Variants in VAX2 observed in about 807,000 individuals in gnomAD.
The protein encoded by VAX2 is ventral anterior homeobox 2.
In VAX2, 8 loss-of-function variants were observed where a neutral mutation model predicts 12.5. The observed-to-expected ratio is 0.64, with a 90% CI of 0.37 to 1.15. The LOEUF (loss-of-function observed/expected upper bound fraction) is 1.15. Ranked by LOEUF, VAX2 falls within the 50% of genes most tolerant of loss-of-function variation. VAX2 has a pLI of 0.01. For missense variants in VAX2, 476 were observed against 412.9 expected, an observed-to-expected ratio of 1.15 and a Z score of -1.32; for synonymous variants, 183 against 187.6, an observed-to-expected ratio of 0.98 and a Z score of 0.20.
At chr2:70,913,482 G>A (rs1368636080) in intron 1 of VAX2, among the ~76,000 whole-genome samples, 1 of 152,150 alleles carries the variant, frequency 6.6e-6, no homozygotes, top group African/African-American at 2.4e-5. Context: ...TTTGAGACCA[G>A]TCTGGCCAAC....
chr2:70,914,835 C>T (rs979806835), intron 1 of VAX2, among the ~76,000 whole-genome samples: 21 of 147,830 alleles, frequency 1.4e-4, no homozygotes, highest in African/African-American at 4.8e-4. Flanking sequence ...CAGAGTCTCA[C>T]GGTATTGCCA....
chr2:70,915,003 G>A (rs1193690515), intron 1 of VAX2, among the ~76,000 whole-genome samples: 1 of 152,082 alleles, frequency 6.6e-6, no homozygotes, highest in Non-Finnish European at 1.5e-5. Context: ...GTTTCACCAT[G>A]TTGCCCAGGC....
intron 2 of VAX2, among the ~76,000 whole-genome samples, chr2:70,922,936 C>T (rs1365883375): frequency 6.6e-6 from 1 of 152,198 alleles, no homozygotes; most frequent in Non-Finnish European, 1.5e-5. Context: ...GCCCAAGCCC[C>T]CCTCTTCCAG....
At chr2:70,923,579 G>T (rs900201301) in intron 2 of VAX2, among the ~76,000 whole-genome samples, 1 of 152,200 alleles carries the variant, frequency 6.6e-6, no homozygotes. Context: ...GAATGGACTG[G>T]CCTAAAACCG....
At chr2:70,927,397 T>G (rs1679598586) in intron 2 of VAX2, among the ~76,000 whole-genome samples, 1 of 151,602 alleles carries the variant, frequency 6.6e-6, no homozygotes, top group Admixed American at 6.6e-5. Context: ...TAAGAGCTGC[T>G]CCAGCCCTTC....
chr2:70,915,310 C>T (rs1679286498), intron 1 of VAX2, among the ~76,000 whole-genome samples: 1 of 151,872 alleles, frequency 6.6e-6, no homozygotes, highest in Non-Finnish European at 1.5e-5. Context: ...AGCAATGGCA[C>T]AATCTCAGCT....
chr2:70,922,021 C>T (rs1172487051), intron 2 of VAX2, among the ~76,000 whole-genome samples: 1 of 152,178 alleles, frequency 6.6e-6, no homozygotes, highest in Non-Finnish European at 1.5e-5. Flanking sequence ...TCCCAAGAAG[C>T]AGATGATGTC....
intron 1 of VAX2, among the ~76,000 whole-genome samples, chr2:70,910,812 C>A (rs1213063607): frequency 4.2e-5 from 6 of 142,744 alleles, no homozygotes; most frequent in Non-Finnish European, 4.6e-5. Flanking sequence ...AAACAAAAAA[C>A]CCACAAAAAA....
intron 1 of VAX2, among the ~76,000 whole-genome samples, chr2:70,914,951 C>T (rs113824255): frequency 4.6e-5 from 7 of 152,114 alleles, no homozygotes; most frequent in African/African-American, 1.7e-4. Flanking sequence ...GAGGCGCACG[C>T]CACCACACCC....
intron 1 of VAX2, among the ~76,000 whole-genome samples, chr2:70,916,386 T>C (rs1163622173): frequency 6.6e-6 from 1 of 151,990 alleles, no homozygotes; most frequent in Non-Finnish European, 1.5e-5. Context: ...CACCTGTTTT[T>C]CCTTGCACTG....
At chr2:70,931,276 G>C (rs1553414279) in intron 2 of VAX2, among the ~76,000 whole-genome samples, 1 of 152,184 alleles carries the variant, frequency 6.6e-6, no homozygotes, top group Non-Finnish European at 1.5e-5. Context: ...CCATGATTCT[G>C]GTGACTTTCT....
chr2:70,930,549 G>C (rs536935441), intron 2 of VAX2, among the ~76,000 whole-genome samples: 37 of 152,330 alleles, frequency 2.4e-4, no homozygotes, highest in Non-Finnish European at 8.8e-5. Flanking sequence ...CAAGGAGGCA[G>C]AGATCTTTTT....
Position 70,922,934 on chromosome 2 carries a change from C to T in VAX2, c.435+1649C>T, listed in dbSNP as rs1218886999. On this transcript the variant is annotated intron_variant, in intron 2 of 2. Transcript: ENST00000234392. ...CTGCCCTTGGAGGTCAAGCCCAAGC[C>T]CCCCTCTTCCAGGAAGCCTTCTGCA... 3.3e-5 allele frequency among the ~76,000 whole-genome samples: 5 copies of T among 152,174 alleles called. No homozygotes were observed. The East Asian group carries it at 9.6e-4, about 29-fold the overall frequency.
chr2:70,913,532 C>T (rs1266183714), intron 1 of VAX2, among the ~76,000 whole-genome samples: 2 of 151,838 alleles, frequency 1.3e-5, no homozygotes, highest in African/African-American at 4.8e-5. Context: ...CAAAAATTAG[C>T]GGGCATGGTG....
chr2:70,923,347 A>C (rs1233557164), intron 2 of VAX2, among the ~76,000 whole-genome samples: 1 of 152,192 alleles, frequency 6.6e-6, no homozygotes, highest in Non-Finnish European at 1.5e-5. Context: ...TCCTCACCAC[A>C]ACCTTATGGG....
At chr2:70,902,010 G>C (rs1553409860) in intron 1 of VAX2, among the ~76,000 whole-genome samples, 1 of 152,224 alleles carries the variant, frequency 6.6e-6, no homozygotes, top group Non-Finnish European at 1.5e-5. Context: ...CTACCGGCCC[G>C]AGCGGATTTC....
At chr2:70,902,807 C>T (rs955934620) in intron 1 of VAX2, among the ~76,000 whole-genome samples, 1 of 152,220 alleles carries the variant, frequency 6.6e-6, no homozygotes, top group South Asian at 2.1e-4. Context: ...CAGAGATGGG[C>T]TTGCACTGGA....
intron 1 of VAX2, among the ~76,000 whole-genome samples, chr2:70,909,534 A>G (rs1469051420): frequency 6.6e-6 from 1 of 152,074 alleles, no homozygotes; most frequent in Non-Finnish European, 1.5e-5. Flanking sequence ...AAAGTTTCTA[A>G]TTTCCCTTAC....
rs1228187768 is a variant in VAX2 at position 70,900,854 on chromosome 2, G to A, written c.233G>A (p.Arg78His). Residue 78 changes from arginine to histidine, a missense_variant, in exon 1 of 3, where the codon CGC becomes CAC. By Grantham distance (29) the Arg-to-His change is conservative. Transcript: ENST00000234392. ...CCCGGCGAGGCAGACCACTGCCGCC[G>A]CATACTGGTGCGAGGTAAGGGGACA... Reference protein sequence around the residue: ...PGPGEADHCRRILVRDAKGTI... With the variant: ...PGPGEADHCRHILVRDAKGTI... The A allele has an allele frequency of 2.1e-6, 3 of 1,428,274 alleles. No individual in the cohort carries two copies. Among genetic ancestry groups the A allele is most frequent in the South Asian group, 2.9e-5 (2 of 69,164 alleles). 88.5% of individuals were successfully genotyped at this position (1,428,274 alleles called of 1,614,324 possible).
Sources: gnomAD v4.1 joint callset for allele counts (sites outside exome capture counted in the v4.1 genomes callset) on GRCh38, gnomAD v4.1.1 for gene constraint, MANE v1.5 for transcripts, NCBI Gene and HGNC (gene_info 2026-07-23, HGNC 2026-07-21) for gene names.